The following ZC3H11A variants were observed in gnomAD, a reference collection of about 807,000 sequenced individuals.
ZC3H11A encodes the protein zinc finger CCCH-type containing 11A, also known as zinc finger CCCH domain-containing protein 11A.
A neutral mutation model predicts 90.8 loss-of-function variants in ZC3H11A; 22 were observed. That is an observed-to-expected ratio of 0.24 (90% CI 0.17 to 0.35). The LOEUF is 0.35. ZC3H11A is among the 10% of genes least tolerant of loss of function. ZC3H11A has a pLI of 1.00. For missense variants in ZC3H11A, 701 were observed against 964.9 expected, an observed-to-expected ratio of 0.73 and a Z score of 3.62; for synonymous variants, 294 against 339.8, an observed-to-expected ratio of 0.87 and a Z score of 1.48.
intron 14 of ZC3H11A, 113 bp from the exon 15 acceptor site, chr1:203,849,598 C>G: frequency 9.8e-7 from 1 of 1,015,604 alleles, no homozygotes; most frequent in Non-Finnish European, 1.5e-6. Context: ...GCTTTTCTCT[C>G]AGATTCTGGA....
chr1:203,816,053 C>G (rs11799648), intron 2 of ZC3H11A, among the ~76,000 whole-genome samples: 1 of 152,090 alleles, frequency 6.6e-6, no homozygotes, highest in Non-Finnish European at 1.5e-5. Flanking sequence ...TAAGCTAGAT[C>G]GATAGACCTT....
At chr1:203,818,769 CTT>C in intron 4 of ZC3H11A, 80 bp downstream of exon 4, 5 of 1,599,556 alleles carry the variant, frequency 3.1e-6, no homozygotes, top group Non-Finnish European at 3.4e-6. Context: ...ACAAAAGTGA[CTT>C]TTAAAAAATA....
intron 2 of ZC3H11A, chr1:203,815,073 A>T (rs1464610720): frequency 6.6e-6 from 1 of 151,680 alleles, no homozygotes; most frequent in East Asian, 1.9e-4. Context: ...CAAGTGATCC[A>T]CCAGCTTCCA....
At chr1:203,804,674 CT>C (rs35042121) in intron 2 of ZC3H11A, among the ~76,000 whole-genome samples, 25,804 of 137,376 alleles carry the variant, frequency 0.19, 2,457 homozygotes, top group East Asian at 0.4. Context: ...TTTGCCTCAT[CT>C]TTTTTTTTTT....
chr1:203,852,746 T>C lies in ZC3H11A; in HGVS notation c.*347T>C. 1 of 298,662 alleles carries C rather than the reference T, an allele frequency of 3.3e-6. No individual in the cohort carries two copies. Among genetic ancestry groups the C allele is most frequent in the Non-Finnish European group, 6.3e-6 (1 of 158,222 alleles). The allele number at this position is 298,662 out of a possible 1,614,324, so 18.5% of individuals were successfully genotyped here. On this transcript the variant is annotated 3_prime_UTR_variant, in exon 18 of 18. Coordinates refer to ENST00000367210, the MANE Select transcript of ZC3H11A (RefSeq NM_001376342.1). ...TGTTTGTCAGTTTTGGCTTTTTTCT[T>C]CTTTGTTGTATTCTTTATGTATTGT... is the stretch of plus-strand genomic sequence containing the variant.
intron 3 of ZC3H11A, 44 bp downstream of exon 3, chr1:203,817,168 T>A: frequency 6.6e-7 from 1 of 1,509,766 alleles, no homozygotes; most frequent in Non-Finnish European, 9.0e-7. Flanking sequence ...ACAATTTGCT[T>A]AATAGAATTG....
chr1:203,847,210 C>T lies in ZC3H11A; in HGVS notation c.1069C>T (p.His357Tyr). 8.7e-6 allele frequency: 14 copies of T among 1,613,418 alleles called. No individual in the cohort carries two copies. Among genetic ancestry groups the T allele is most frequent in the Non-Finnish European group, 1.2e-5 (14 of 1,179,788 alleles). Residue 357 changes from histidine (H) to tyrosine (Y), a missense_variant, in exon 13 of 18, where the codon CAT (histidine) becomes TAT (tyrosine). This residue lies in a region of ZC3H11A where 530 missense variants were observed against 696.2 expected (regional missense o/e 0.76). Transcript: ENST00000367210. The part of the protein sequence containing the change: ...TDKVNKVGEI[H>Y]VKTLEEILLE... ...TAAAGTTAATAAAGTTGGTGAGATCCATGTGAAGACATTAGAAGAAATTCT... is the reference window on the plus strand; with the variant it reads ...TAAAGTTAATAAAGTTGGTGAGATCTATGTGAAGACATTAGAAGAAATTCT...
chr1:203,803,524 G>A (rs1029438608), intron 2 of ZC3H11A, among the ~76,000 whole-genome samples: 1 of 152,098 alleles, frequency 6.6e-6, no homozygotes, highest in East Asian at 1.9e-4. Context: ...GATAATATAT[G>A]TACATTGTAA....
chr1:203,852,521 A>G lies in ZC3H11A; in HGVS notation c.*122A>G. On this transcript the variant is annotated 3_prime_UTR_variant, in exon 18 of 18. Coordinates refer to ENST00000367210, the MANE Select transcript of ZC3H11A (RefSeq NM_001376342.1). ...CTAGAATTTGCCCCAAATCAGAAGT[A>G]TACCTCTGAATTATCTGTATGTGTC... The G allele has an allele frequency of 9.5e-7, 1 of 1,054,474 alleles. No homozygotes were observed. The highest frequency in any genetic ancestry group is 1.4e-6 in the Non-Finnish European group (1 of 739,036). 65.3% of individuals were successfully genotyped at this position (1,054,474 alleles called of 1,614,324 possible).
chr1:203,810,001 A>G lies in ZC3H11A; in HGVS notation c.-145-6925A>G, dbSNP rs1673803709. 2.0e-5 allele frequency among the ~76,000 whole-genome samples: 3 copies of G among 152,114 alleles called. No individual in the cohort carries two copies. The South Asian group carries it at 6.2e-4, about 32-fold the overall frequency. ...AAAAGTAACTGGGTTTTTCTTGGCA[A>G]CCTAGATACTTTTTTTTTCCTTTTA... is the stretch of plus-strand genomic sequence containing the variant. On this transcript the variant is annotated intron_variant, in intron 2 of 17. Coordinates refer to ENST00000367210, the MANE Select transcript of ZC3H11A (RefSeq NM_001376342.1).
intron 12 of ZC3H11A, among the ~76,000 whole-genome samples, chr1:203,845,680 C>A (rs1431633717): frequency 1.3e-5 from 2 of 151,982 alleles, no homozygotes; most frequent in Non-Finnish European, 2.9e-5. Context: ...GCCTGGCCAA[C>A]ATGGCAAAAC....
At chr1:203,805,895 G>A (rs1437101880) in intron 2 of ZC3H11A, 9 of 722,846 alleles carry the variant, frequency 1.2e-5, no homozygotes, top group Non-Finnish European at 1.8e-5. Context: ...TTCTCAATCT[G>A]GTCAGTTTTC....
At chr1:203,838,807 G>T (rs1425928635) in intron 11 of ZC3H11A, among the ~76,000 whole-genome samples, 4 of 151,962 alleles carry the variant, frequency 2.6e-5, no homozygotes, top group Admixed American at 6.6e-5. Context: ...AAAAAAATTA[G>T]CTGGGCAGGG....
intron 17 of ZC3H11A, among the ~76,000 whole-genome samples, chr1:203,851,906 C>G (rs1689378874): frequency 7.7e-6 from 1 of 130,166 alleles, no homozygotes; most frequent in Non-Finnish European, 1.6e-5. Flanking sequence ...GAGGTCGAGG[C>G]TGCAGTGAGC....
chr1:203,816,776 G>A, intron 2 of ZC3H11A, 150 bp from the exon 3 acceptor site: 1 of 290,024 alleles, frequency 3.4e-6, no homozygotes. Context: ...GGAATGTACA[G>A]TATTCGCAAT....
intron 2 of ZC3H11A, among the ~76,000 whole-genome samples, chr1:203,814,669 C>T (rs192854754): frequency 5.9e-5 from 9 of 152,242 alleles, no homozygotes; most frequent in African/African-American, 2.2e-4. Context: ...CTATCAAGTA[C>T]CTCAAAAGTC....
chr1:203,840,189 T>G, intron 11 of ZC3H11A, 117 bp from the exon 12 acceptor site: 1 of 937,894 alleles, frequency 1.1e-6, no homozygotes, highest in Non-Finnish European at 1.6e-6. Flanking sequence ...TCAGCCTGCC[T>G]TGGCCTCCCA....
chr1:203,804,979 G>A (rs941931547), intron 2 of ZC3H11A, among the ~76,000 whole-genome samples: 1 of 151,560 alleles, frequency 6.6e-6, no homozygotes, highest in Non-Finnish European at 1.5e-5. Context: ...GGCCTGTCTC[G>A]TCTTTTTAAT....
intron 2 of ZC3H11A, among the ~76,000 whole-genome samples, chr1:203,804,244 C>T (rs1052327898): frequency 5.3e-5 from 8 of 151,482 alleles, no homozygotes; most frequent in Middle Eastern, 3.4e-3. Flanking sequence ...CTCCGCCTCC[C>T]GGGTTCACGC....
Sources: gnomAD v4.1 joint callset for allele counts (sites outside exome capture counted in the v4.1 genomes callset) on GRCh38, gnomAD v4.1.1 for gene constraint, gnomAD v4.1.1 regional missense constraint, MANE v1.5 for transcripts, NCBI Gene and HGNC (gene_info 2026-07-23, HGNC 2026-07-21) for gene names.